Variants in MCTP1 observed in about 807,000 individuals in gnomAD.
The protein encoded by MCTP1 is multiple C2 and transmembrane domain containing 1, also known as multiple C2 and transmembrane domain-containing protein 1.
In MCTP1, 69 loss-of-function variants were observed where a neutral mutation model predicts 120.6. The ratio of observed to expected loss-of-function variants is 0.57; its 90% CI spans 0.47 to 0.70. The LOEUF is 0.70. Among genes scored for constraint, MCTP1 ranks in the 30% least tolerant of loss-of-function variants. The pLI, the probability that MCTP1 is intolerant of heterozygous loss-of-function variation, is 0.00. For missense variants in MCTP1, 1,203 were observed against 1,248.8 expected (o/e 0.96, Z 0.55); for synonymous variants, 529 against 493.1 (o/e 1.07, Z -0.96).
chr5:94,883,707 T>C (rs1350295250), intron 12 of MCTP1, among the ~76,000 whole-genome samples: 2 of 152,214 alleles, frequency 1.3e-5, no homozygotes, highest in Admixed American at 1.3e-4. Flanking sequence ...TTTTATTAAA[T>C]ATGATGATGA....
chr5:95,228,704 A>C (rs1311870502), intron 1 of MCTP1, among the ~76,000 whole-genome samples: 1 of 152,192 alleles, frequency 6.6e-6, no homozygotes, highest in Non-Finnish European at 1.5e-5. Context: ...CAGATTTCTC[A>C]TAAGTGGTTT....
At chr5:94,747,528 C>A (rs943181307) in intron 19 of MCTP1, among the ~76,000 whole-genome samples, 1 of 152,072 alleles carries the variant, frequency 6.6e-6, no homozygotes, top group Non-Finnish European at 1.5e-5. Context: ...AGCATGAAAG[C>A]AGCCGTAGAT....
At chr5:94,915,875 G>A (rs1297361506) in intron 8 of MCTP1, among the ~76,000 whole-genome samples, 14 of 152,054 alleles carry the variant, frequency 9.2e-5, no homozygotes, top group Admixed American at 9.2e-4. Flanking sequence ...ATTAGTTGCT[G>A]TGAAATGCTT....
At chr5:95,197,992 GAA>G (rs1246884575) in intron 1 of MCTP1, among the ~76,000 whole-genome samples, 1 of 151,962 alleles carries the variant, frequency 6.6e-6, no homozygotes, top group Non-Finnish European at 1.5e-5. Flanking sequence ...ATAATGACAA[GAA>G]AAAAATGTCT....
chr5:94,988,172 TA>T (rs1332793573), intron 2 of MCTP1, among the ~76,000 whole-genome samples: 1 of 152,204 alleles, frequency 6.6e-6, no homozygotes, highest in Admixed American at 6.6e-5. Context: ...ATAAATTGAT[TA>T]AAGCAGTCTT....
At chr5:94,779,231 C>T in intron 18 of MCTP1, 68 bp from the exon 19 acceptor site, 2 of 1,340,584 alleles carry the variant, frequency 1.5e-6, no homozygotes, top group Admixed American at 1.7e-5. Flanking sequence ...TCATTTTGAA[C>T]CTTTTGGAAA....
At chr5:94,714,981 A>G in intron 19 of MCTP1, 95 bp from the exon 20 acceptor site, 1 of 747,438 alleles carries the variant, frequency 1.3e-6, no homozygotes. Context: ...TTTAAACTTA[A>G]ATAAACTTCA....
At chr5:95,280,737 T>A (rs545467507) in intron 1 of MCTP1, among the ~76,000 whole-genome samples, 1 of 152,320 alleles carries the variant, frequency 6.6e-6, no homozygotes, top group African/African-American at 2.4e-5. Flanking sequence ...TTAATACATA[T>A]TGCAAAGTGT....
chr5:95,244,879 G>T (rs10073184), intron 1 of MCTP1, among the ~76,000 whole-genome samples: 20,350 of 152,148 alleles, frequency 0.13, 1,579 homozygotes, highest in Non-Finnish European at 0.18. Flanking sequence ...CGGTCAGACT[G>T]CCTCCTCAAG....
chr5:94,918,655 CT>C (rs1374810667), intron 7 of MCTP1, among the ~76,000 whole-genome samples: 4 of 152,228 alleles, frequency 2.6e-5, no homozygotes, highest in Middle Eastern at 6.8e-3. Context: ...TACAGGTCTT[CT>C]GGAGCAGTTA....
chr5:95,030,807 G>C (rs1182835050), intron 1 of MCTP1, among the ~76,000 whole-genome samples: 1 of 152,016 alleles, frequency 6.6e-6, no homozygotes, highest in East Asian at 1.9e-4. Flanking sequence ...TCTAGCAATG[G>C]ATCCTAACCA....
At chr5:95,225,478 G>A (rs1754155268) in intron 1 of MCTP1, among the ~76,000 whole-genome samples, 1 of 152,140 alleles carries the variant, frequency 6.6e-6, no homozygotes, top group African/African-American at 2.4e-5. Flanking sequence ...GAGATTAGAT[G>A]CTAACAAATA....
At chr5:94,717,667 A>G (rs1759816972) in intron 19 of MCTP1, among the ~76,000 whole-genome samples, 1 of 152,210 alleles carries the variant, frequency 6.6e-6, no homozygotes, top group African/African-American at 2.4e-5. Context: ...CAACTTCAGC[A>G]AAGTCTCAGG....
chr5:94,951,859 T>C (rs1345272576), intron 3 of MCTP1, among the ~76,000 whole-genome samples: 1 of 152,096 alleles, frequency 6.6e-6, no homozygotes, highest in African/African-American at 2.4e-5. Context: ...CCATATTATG[T>C]AGTTAAAGAC....
intron 17 of MCTP1, chr5:94,867,348 T>C: frequency 6.5e-7 from 1 of 1,533,338 alleles, no homozygotes; most frequent in Non-Finnish European, 8.7e-7. Context: ...CTTTGTTCCA[T>C]GTGCTCAGAC....
chr5:95,075,926 C>T (rs1021192929), intron 1 of MCTP1, among the ~76,000 whole-genome samples: 1 of 152,174 alleles, frequency 6.6e-6, no homozygotes, highest in Admixed American at 6.5e-5. Flanking sequence ...AATAAGGCTA[C>T]AGAGACTTCC....
At chr5:94,833,548 A>AT (rs2153170411) in intron 17 of MCTP1, among the ~76,000 whole-genome samples, 1 of 152,276 alleles carries the variant, frequency 6.6e-6, no homozygotes, top group East Asian at 1.9e-4. Context: ...GGAAAAAACA[A>AT]ATTTGTTTTT....
At chr5:94,979,833 A>G (rs1829009677) in intron 2 of MCTP1, among the ~76,000 whole-genome samples, 1 of 152,154 alleles carries the variant, frequency 6.6e-6, no homozygotes, top group South Asian at 2.1e-4. Flanking sequence ...AGCTTTTCTT[A>G]GGTTAAATCA....
rs192618745 is a variant in MCTP1 at position 94,968,857 on chromosome 5, C to T, written c.839-15496G>A. Among the ~76,000 whole-genome samples, 17 of 152,080 alleles carry T rather than the reference C, an allele frequency of 1.1e-4. No individual in the cohort carries two copies. In the East Asian group the frequency reaches 1.5e-3, roughly 14 times the overall value. ...ACTTTCATTGACATACTTTTTATGACGATAAATGAATTGAAAACAAGTCAA... is the reference window on the plus strand; with the variant it reads ...ACTTTCATTGACATACTTTTTATGATGATAAATGAATTGAAAACAAGTCAA... On this transcript the variant is annotated intron_variant, in intron 2 of 22. Coordinates refer to ENST00000515393, the MANE Select transcript of MCTP1 (RefSeq NM_024717.7).
Sources: gnomAD v4.1 joint callset for allele counts (sites outside exome capture counted in the v4.1 genomes callset) on GRCh38, gnomAD v4.1.1 for gene constraint, MANE v1.5 for transcripts, NCBI Gene and HGNC (gene_info 2026-07-23, HGNC 2026-07-21) for gene names.